The following URI1 variants were observed in gnomAD, a reference collection of about 807,000 sequenced individuals.
URI1 encodes unconventional prefoldin RPB5 interactor 1.
URI1 carries 39 observed loss-of-function variants against 60.2 expected under a neutral mutation model. The ratio of observed to expected loss-of-function variants is 0.65; its 90% CI spans 0.50 to 0.85. The LOEUF (loss-of-function observed/expected upper bound fraction) is 0.85, where lower values mean the gene tolerates loss of function less well. Among genes scored for constraint, URI1 ranks in the 40% least tolerant of loss-of-function variants. The pLI, the probability that URI1 is intolerant of heterozygous loss-of-function variation, is 0.00. For missense variants in URI1, 691 were observed against 665.9 expected (o/e 1.04, Z -0.42); for synonymous variants, 251 against 236.8 (o/e 1.06, Z -0.55).
At chr19:29,938,980 A>ATTTT (rs33973351), upstream of URI1, among the ~76,000 whole-genome samples, 1 of 142,146 alleles carries the variant, frequency 7.0e-6, no homozygotes, top group Non-Finnish European at 1.5e-5. Flanking sequence ...CTGGCCTACC[A>ATTTT]TTTTTTTTTT....
At chr19:29,991,530 T>G (rs914340607) in intron 4 of URI1, among the ~76,000 whole-genome samples, 1 of 152,224 alleles carries the variant, frequency 6.6e-6, no homozygotes, top group Non-Finnish European at 1.5e-5. Context: ...ATGTAGACAA[T>G]CATGCCTTTT....
upstream of URI1, among the ~76,000 whole-genome samples, chr19:29,941,353 G>A (rs564422278): frequency 6.6e-6 from 1 of 152,336 alleles, no homozygotes; most frequent in African/African-American, 2.4e-5. Flanking sequence ...GCTCACACCT[G>A]TAATCCTAGC....
At position 29,956,321 on chromosome 19, in the gene URI1, A is replaced by C. The variant is rs150588840; in HGVS notation, c.117+13657A>C. On this transcript the variant is annotated intron_variant, in intron 1 of 10. Coordinates refer to ENST00000392271, the MANE Select transcript of URI1 (RefSeq NM_003796.3). ...TTTTTTTTTTAAGAAGGTCCAAATC[A>C]ATAGGTCTTTTATTGCATCATTGAA... 597 of 838,778 alleles carry C rather than the reference A, an allele frequency of 7.1e-4. 9 individuals carry two copies. In the East Asian group the frequency reaches 0.016, roughly 23 times the overall value. The allele number at this position is 838,778 out of a possible 1,614,324, so 52.0% of individuals were successfully genotyped here. A position where few individuals can be genotyped will look rare whatever the true frequency, so the allele number is the denominator to read the frequency against.
chr19:30,007,943 A>C (rs935112282), intron 7 of URI1, among the ~76,000 whole-genome samples: 1 of 152,078 alleles, frequency 6.6e-6, no homozygotes, highest in African/African-American at 2.4e-5. Context: ...GACTTTTAAT[A>C]ATCATGGATT....
Position 30,007,657 on chromosome 19 carries a change from T to C in URI1, c.686+19T>C, listed in dbSNP as rs1377385899. On this transcript the variant is annotated intron_variant, in intron 7 of 10. Transcript: ENST00000392271. Reference sequence around the variant, plus strand: ...TTGATAGGTACTTGATGACAAATTATCTTTCCAAGATAATTTGTTTCTATA... The same window carrying C: ...TTGATAGGTACTTGATGACAAATTACCTTTCCAAGATAATTTGTTTCTATA... The C allele has an allele frequency of 6.4e-7, 1 of 1,562,724 alleles. No individual in the cohort carries two copies. The highest frequency in any genetic ancestry group is 8.6e-7 in the Non-Finnish European group (1 of 1,158,242).
rs184600286 is a variant in URI1 at position 29,966,404 on chromosome 19, A to G, written c.118-4789A>G. The stretch of plus-strand genomic sequence containing the variant: ...CTACTGGCCTGGGCCTCAAAGTGCT[A>G]AGATTACAGGCGTGAGCCACTCTGC... On this transcript the variant is annotated intron_variant, in intron 1 of 10. Coordinates refer to ENST00000392271, the MANE Select transcript of URI1 (RefSeq NM_003796.3). Among the ~76,000 whole-genome samples, 41 of 152,238 alleles carry G rather than the reference A, an allele frequency of 2.7e-4. 1 individual carries two copies. The East Asian group carries it at 7.2e-3, about 27-fold the overall frequency.
chr19:29,967,025 G>T (rs1054218775), intron 1 of URI1, among the ~76,000 whole-genome samples: 7 of 152,160 alleles, frequency 4.6e-5, no homozygotes, highest in Admixed American at 3.3e-4. Flanking sequence ...ACTTGCCTTA[G>T]AAACTCATAG....
Position 29,927,560 on chromosome 19 carries a change from C to CTTT in URI1, c.63+3830_63+3832dup, listed in dbSNP as rs3049080. Among the ~76,000 whole-genome samples the CTTT allele has an allele frequency of 2.5e-4, 10 of 39,812 alleles. 2 individuals carry two copies. In the South Asian group the frequency reaches 0.011, roughly 45 times the overall value. 26.1% of individuals were successfully genotyped at this position (39,812 alleles called of 152,430 possible). ...TACAAGCATGAGCCACTGCACCCGGCTTTTTTTTTTTTTTTTTTTTTTTTT... is the reference window on the plus strand; with the variant it reads ...TACAAGCATGAGCCACTGCACCCGGCTTTTTTTTTTTTTTTTTTTTTTTTTTTT... On this transcript the variant is annotated intron_variant, in intron 1 of 10. Coordinates refer to the URI1 transcript ENST00000360605.
At chr19:29,966,495 AT>A (rs547395843) in intron 1 of URI1, among the ~76,000 whole-genome samples, 2 of 152,156 alleles carry the variant, frequency 1.3e-5, no homozygotes, top group African/African-American at 4.8e-5. Flanking sequence ...TGCTTATTGC[AT>A]TTTTTTCTGT....
At chr19:29,979,063 C>A (rs1029509538) in intron 2 of URI1, among the ~76,000 whole-genome samples, 2 of 151,964 alleles carry the variant, frequency 1.3e-5, no homozygotes, top group African/African-American at 4.8e-5. Flanking sequence ...ATTAAGAAAA[C>A]CCACAAAATT....
intron 2 of URI1, among the ~76,000 whole-genome samples, chr19:29,976,256 T>G (rs1384736534): frequency 6.6e-6 from 1 of 152,232 alleles, no homozygotes; most frequent in African/African-American, 2.4e-5. Context: ...ACCATTTACT[T>G]GCACATGATT....
chr19:29,956,659 A>G lies in URI1; in HGVS notation c.117+13995A>G, dbSNP rs553371288. 258 of 1,532,460 alleles carry G rather than the reference A, an allele frequency of 1.7e-4. 4 individuals carry two copies. In the South Asian group the frequency reaches 2.7e-3, roughly 16 times the overall value. The allele number at this position is 1,532,460 out of a possible 1,614,324, so 94.9% of individuals were successfully genotyped here. ...ACCCAAGAAATTTCGGATTTCAACA[A>G]GAGACCCATTCTGGATAACGACGTT... On this transcript the variant is annotated intron_variant, in intron 1 of 10. Transcript: ENST00000392271.
At chr19:29,994,781 A>ATT (rs539678001) in intron 4 of URI1, among the ~76,000 whole-genome samples, 2 of 136,552 alleles carry the variant, frequency 1.5e-5, no homozygotes, top group Non-Finnish European at 1.6e-5. Flanking sequence ...AATTCTGTGG[A>ATT]TTTTTTTTTT....
intron 1 of URI1, among the ~76,000 whole-genome samples, chr19:29,969,031 A>C (rs186303300): frequency 6.6e-6 from 1 of 152,304 alleles, no homozygotes; most frequent in African/African-American, 2.4e-5. Flanking sequence ...ATGCCATCAG[A>C]AGGCTAGTCT....
intron 1 of URI1, among the ~76,000 whole-genome samples, chr19:29,947,932 A>G (rs545946357): frequency 5.3e-5 from 8 of 152,332 alleles, no homozygotes; most frequent in African/African-American, 1.9e-4. Flanking sequence ...TTGAGAATCT[A>G]CATTCTACCT....
chr19:29,974,690 C>T (rs2055499621), intron 2 of URI1, among the ~76,000 whole-genome samples: 1 of 152,104 alleles, frequency 6.6e-6, no homozygotes, highest in Admixed American at 6.6e-5. Context: ...ACCCATCACC[C>T]AGATAGCATA....
At position 29,923,688 on chromosome 19, in the gene URI1, C is replaced by G. The variant is rs530738698; in HGVS notation, c.-4C>G. ...TTCCAGGCTCCTTGGAGGTCACTGC[C>G]CTGATGACAACATGGTCTTCCCTTC... On this transcript the variant is annotated 5_prime_UTR_variant, in exon 1 of 11. Coordinates refer to the URI1 transcript ENST00000360605. The G allele has an allele frequency of 8.5e-6, 13 of 1,536,404 alleles. No individual in the cohort carries two copies. In the South Asian group the frequency reaches 1.5e-4, roughly 18 times the overall value.
intron 4 of URI1, among the ~76,000 whole-genome samples, chr19:29,996,014 T>C (rs1445921477): frequency 6.6e-6 from 1 of 152,176 alleles, no homozygotes; most frequent in Non-Finnish European, 1.5e-5. Context: ...AGGGTAGCTT[T>C]ATAGTAAGTT....
intron 2 of URI1, among the ~76,000 whole-genome samples, chr19:29,972,634 C>T (rs1045399524): frequency 6.6e-6 from 1 of 152,058 alleles, no homozygotes; most frequent in Non-Finnish European, 1.5e-5. Flanking sequence ...ACGTTTTCAT[C>T]CTTTTATTCA....
Sources: allele counts gnomAD v4.1 joint callset (sites outside exome capture counted in the v4.1 genomes callset), GRCh38; gene constraint gnomAD v4.1.1; transcripts MANE v1.5; gene names NCBI Gene and HGNC (gene_info 2026-07-23, HGNC 2026-07-21).